Variants in SKI observed in about 807,000 individuals in gnomAD.
SKI encodes the protein SKI proto-oncogene, also known as ski oncogene.
Under a neutral mutation model 59.3 loss-of-function variants are expected in SKI, and 23 were observed. That is an observed-to-expected ratio of 0.39 (90% CI 0.28 to 0.55). SKI has a LOEUF of 0.55. Among genes scored for constraint, SKI ranks in the 20% least tolerant of loss-of-function variants. The pLI, the probability that SKI is intolerant of heterozygous loss-of-function variation, is 0.67. For missense variants in SKI, 1,017 were observed against 1,038.9 expected, an observed-to-expected ratio of 0.98 and a Z score of 0.29; for synonymous variants, 673 against 488.6, an observed-to-expected ratio of 1.38 and a Z score of -4.98.
chr1:2,245,788 CTTTTTTTTTTTTTTTTTT>C (rs766445644), intron 1 of SKI, among the ~76,000 whole-genome samples: 1 of 70,366 alleles, frequency 1.4e-5, no homozygotes, highest in Non-Finnish European at 2.5e-5. Context: ...ATTTTTCCTT[CTTTTTTTTTTTTTTTTTT>C]TTTTTTTTGA....
At chr1:2,297,739 C>T (rs1049040009) in intron 1 of SKI, among the ~76,000 whole-genome samples, 6 of 152,286 alleles carry the variant, frequency 3.9e-5, no homozygotes, top group African/African-American at 1.4e-4. Flanking sequence ...GCACATTTCC[C>T]TCCAGTTCCC....
chr1:2,295,667 G>GCGTGACTGTGTCCGGGTCACA (rs1640266817), intron 1 of SKI, among the ~76,000 whole-genome samples: 1 of 152,118 alleles, frequency 6.6e-6, no homozygotes, highest in Non-Finnish European at 1.5e-5. Flanking sequence ...TGAGAGCCAT[G>GCGTGACTGTGTCCGGGTCACA]CGTGACTGTG....
intron 1 of SKI, among the ~76,000 whole-genome samples, chr1:2,288,541 A>T (rs1013531531): frequency 2.0e-5 from 3 of 152,222 alleles, no homozygotes; most frequent in Non-Finnish European, 4.4e-5. Flanking sequence ...TCAGAGGCAG[A>T]CAGTTGTCTT....
chr1:2,294,507 G>C (rs530240099), intron 1 of SKI, among the ~76,000 whole-genome samples: 1 of 152,216 alleles, frequency 6.6e-6, no homozygotes, highest in African/African-American at 2.4e-5. Flanking sequence ...AGAAGACCAC[G>C]TCGTGCCGTT....
intron 1 of SKI, among the ~76,000 whole-genome samples, chr1:2,245,942 G>A (rs1323948511): frequency 1.3e-5 from 2 of 151,588 alleles, no homozygotes; most frequent in African/African-American, 4.9e-5. Context: ...GGCTATAGGT[G>A]TGTGCCACCA....
intron 1 of SKI, among the ~76,000 whole-genome samples, chr1:2,248,935 G>T (rs1050625317): frequency 6.6e-6 from 1 of 152,206 alleles, no homozygotes; most frequent in Non-Finnish European, 1.5e-5. Flanking sequence ...GAGGCAGCTG[G>T]GTCCCACAAG....
At chr1:2,282,183 C>T (rs1349247445) in intron 1 of SKI, among the ~76,000 whole-genome samples, 126 of 16,048 alleles carry the variant, frequency 7.9e-3, no homozygotes, top group South Asian at 0.014. Flanking sequence ...CAGGCGGTGG[C>T]GGAGATCTTC....
chr1:2,276,312 C>T (rs978191561), intron 1 of SKI, among the ~76,000 whole-genome samples: 1 of 151,916 alleles, frequency 6.6e-6, no homozygotes, highest in Non-Finnish European at 1.5e-5. Flanking sequence ...CTCAGAAGTT[C>T]ACCTGCTGCA....
intron 1 of SKI, among the ~76,000 whole-genome samples, chr1:2,258,518 T>TTC (rs995004629): frequency 6.6e-6 from 1 of 151,924 alleles, no homozygotes; most frequent in Non-Finnish European, 1.5e-5. Context: ...TTTTTTTTTT[T>TTC]TCTCCCATGA....
chr1:2,255,226 A>G (rs1403111748), intron 1 of SKI, among the ~76,000 whole-genome samples: 1 of 151,598 alleles, frequency 6.6e-6, no homozygotes, highest in Non-Finnish European at 1.5e-5. Context: ...GACCCCATGT[A>G]CCTGAGTGAC....
Position 2,296,276 on chromosome 1 carries a change from T to A in SKI, c.970-6702T>A, listed in dbSNP as rs1322306989. 2.6e-5 allele frequency among the ~76,000 whole-genome samples: 4 copies of A among 151,436 alleles called. No homozygotes were observed. In the East Asian group the frequency reaches 7.7e-4, roughly 29 times the overall value. On this transcript the variant is annotated intron_variant, in intron 1 of 6. Coordinates refer to ENST00000378536, the MANE Select transcript of SKI (RefSeq NM_003036.4). ...TGGGCATGGTGGCACATGCTTGTAGTCCCAGCTACTCAGGAGGCTGAGGTA... is the reference window on the plus strand; with the variant it reads ...TGGGCATGGTGGCACATGCTTGTAGACCCAGCTACTCAGGAGGCTGAGGTA...
chr1:2,297,773 C>CG (rs1454601059), intron 1 of SKI, among the ~76,000 whole-genome samples: 20 of 152,274 alleles, frequency 1.3e-4, no homozygotes, highest in Non-Finnish European at 2.8e-4. Flanking sequence ...TGCCTGGTTG[C>CG]GGATGCTGCA....
intron 1 of SKI, among the ~76,000 whole-genome samples, chr1:2,254,610 C>G (rs1639234369): frequency 6.6e-6 from 1 of 152,328 alleles, no homozygotes; most frequent in African/African-American, 2.4e-5. Flanking sequence ...TGTGCCTAGA[C>G]TTGTGGCCGT....
chr1:2,240,443 C>A, intron 1 of SKI: 1 of 972,534 alleles, frequency 1.0e-6, no homozygotes, highest in Non-Finnish European at 1.2e-6. Flanking sequence ...CACTTGGCGG[C>A]AAGCCACATG....
chr1:2,299,297 T>C (rs1014513504), intron 1 of SKI, among the ~76,000 whole-genome samples: 1 of 152,060 alleles, frequency 6.6e-6, no homozygotes, highest in Non-Finnish European at 1.5e-5. Context: ...CTTGTGCCCA[T>C]GTCCTCCTCA....
chr1:2,302,863 G>T, intron 1 of SKI, 115 bp from the exon 2 acceptor site: 5 of 1,390,140 alleles, frequency 3.6e-6, no homozygotes, highest in Non-Finnish European at 5.1e-6. Context: ...GCCACTCAGG[G>T]TCGTTTGTGG....
In SKI at chr1:2,267,210, A is replaced by G. The variant is rs1209031793; in HGVS notation, c.970-35768A>G. On this transcript the variant is annotated intron_variant, in intron 1 of 6. Coordinates refer to ENST00000378536, the MANE Select transcript of SKI (RefSeq NM_003036.4). This position sits in a 1 kb window ranked among gnomAD's most constrained non-coding sequence, Gnocchi z 4.1. ...TGGTTTTGTAACAAGCTTGGTGTCCATATCGCTCTTAATAACATCTGCAGG... is the reference window on the plus strand; with the variant it reads ...TGGTTTTGTAACAAGCTTGGTGTCCGTATCGCTCTTAATAACATCTGCAGG... Among the ~76,000 whole-genome samples the G allele has an allele frequency of 6.6e-5, 10 of 152,192 alleles. No homozygotes were observed. The highest frequency in any genetic ancestry group is 6.5e-4 in the Admixed American group (10 of 15,282).
intron 1 of SKI, among the ~76,000 whole-genome samples, chr1:2,284,004 G>A (rs1639975866): frequency 6.6e-6 from 1 of 152,120 alleles, no homozygotes; most frequent in African/African-American, 2.4e-5. Context: ...CTGTTAGCAG[G>A]TGCAGTGCCC....
At position 2,231,747 on chromosome 1, in the gene SKI, C is replaced by T. The variant is rs1194455592; in HGVS notation, c.969+2012C>T. ...AGCCTGGCCCTGGCAGTGGTGTCCT[C>T]CGCCTGGCTCCCTGAATGTTCACCA... On this transcript the variant is annotated intron_variant, in intron 1 of 6. Transcript: ENST00000378536. 2.0e-5 allele frequency among the ~76,000 whole-genome samples: 3 copies of T among 152,258 alleles called. No individual in the cohort carries two copies. The East Asian group carries it at 5.8e-4, about 29-fold the overall frequency.
Sources: gnomAD v4.1 joint callset for allele counts (sites outside exome capture counted in the v4.1 genomes callset) on GRCh38, gnomAD v4.1.1 for gene constraint, Gnocchi (gnomAD v3.1) non-coding constraint, MANE v1.5 for transcripts, NCBI Gene and HGNC (gene_info 2026-07-23, HGNC 2026-07-21) for gene names.